DNAH9: variants seen among roughly 807,000 people sequenced by gnomAD.
DNAH9 encodes DNAH9 variant protein.
Under a neutral mutation model 471.6 loss-of-function variants are expected in DNAH9, and 345 were observed. The ratio of observed to expected loss-of-function variants is 0.73; its 90% CI spans 0.67 to 0.80. DNAH9 has a LOEUF of 0.80. Among genes scored for constraint, DNAH9 ranks in the 30% least tolerant of loss-of-function variants. The probability of loss-of-function intolerance (pLI) is 0.00; values close to 1 mark genes in which losing one functional copy is unlikely to be tolerated. For missense variants in DNAH9, 5,407 were observed against 5,609.2 expected, an observed-to-expected ratio of 0.96 and a Z score of 1.15; for synonymous variants, 2,093 against 2,123.6, an observed-to-expected ratio of 0.99 and a Z score of 0.40.
rs139176958 is a variant in DNAH9 at position 11,854,426 on chromosome 17, G to A, written c.9931G>A (p.Ala3311Thr). Residue 3311 changes from alanine (A) to threonine (T), a missense_variant and splice_region_variant, in exon 50 of 69, where the codon GCT (alanine) becomes ACT (threonine). By Grantham distance (58) the Ala-to-Thr change is moderately conservative. This residue lies in a region of DNAH9 where 4,636 missense variants were observed against 4,900.3 expected (regional missense o/e 0.95). Transcript: ENST00000262442. ...EKLAAIKAKI[A>T]HLNENLAKLT... ...GCTGGCTGCCATCAAAGCCAAGATC[G>A]CTGTGAGTGACCCCAGAGCCCCTCA... 766 of 1,610,130 alleles carry A rather than the reference G, an allele frequency of 4.8e-4. 9 individuals carry two copies. In the South Asian group the frequency reaches 5.3e-3, roughly 11 times the overall value.
intron 45 of DNAH9, 108 bp from the exon 46 acceptor site, chr17:11,821,812 G>A: frequency 1.6e-6 from 2 of 1,258,250 alleles, no homozygotes; most frequent in Non-Finnish European, 1.1e-6. Flanking sequence ...GTTGGTACAT[G>A]GCCTAAAAAC....
At position 11,810,279 on chromosome 17, in the gene DNAH9, G is replaced by A. The variant is rs151142584; in HGVS notation, c.8617G>A (p.Val2873Met). 4.3e-5 allele frequency: 70 copies of A among 1,613,618 alleles called. 1 individual carries two copies. The East Asian group carries it at 1.4e-3, about 33-fold the overall frequency. ...GGCCAGCCTGTGTCTGAAAGCTGGA[G>A]TGAAGAATCTCAACACAGTGTTTCT... ...DLASLCLKAG[V>M]KNLNTVFLMT... Residue 2873 changes from valine to methionine, a missense_variant, in exon 45 of 69, where the codon GTG (valine) becomes ATG (methionine). Around this residue, in one of 3 missense-constraint regions of DNAH9, gnomAD observed 4,636 missense variants for 4,900.3 expected, o/e 0.95. Coordinates refer to ENST00000262442, the MANE Select transcript of DNAH9 (RefSeq NM_001372.4).
intron 50 of DNAH9, among the ~76,000 whole-genome samples, chr17:11,857,164 G>GAGAATGTTTTC (rs1419166591): frequency 6.6e-6 from 1 of 152,192 alleles, no homozygotes; most frequent in Non-Finnish European, 1.5e-5. Flanking sequence ...TTGGTGCAAA[G>GAGAATGTTTTC]AGAATGTTTT....
intron 14 of DNAH9, among the ~76,000 whole-genome samples, chr17:11,658,339 C>T (rs78381315): frequency 0.016 from 2,461 of 152,186 alleles, 57 homozygotes; most frequent in African/African-American, 0.055. Flanking sequence ...TGTATACAAG[C>T]ATCATTGATT....
At chr17:11,678,068 T>C (rs1385980212) in intron 17 of DNAH9, among the ~76,000 whole-genome samples, 1 of 152,110 alleles carries the variant, frequency 6.6e-6, no homozygotes, top group Admixed American at 6.5e-5. Flanking sequence ...TATTTTTTTA[T>C]TTTTTGAGAT....
chr17:11,657,259 AT>A, intron 14 of DNAH9, among the ~76,000 whole-genome samples: 1 of 152,154 alleles, frequency 6.6e-6, no homozygotes, highest in East Asian at 1.9e-4. Context: ...AATTTTTACC[AT>A]TTTAGTCAGT....
chr17:11,756,526 T>C, intron 33 of DNAH9, 42 bp from the exon 34 acceptor site: 1 of 1,165,328 alleles, frequency 8.6e-7, no homozygotes, highest in Middle Eastern at 1.9e-4. Context: ...GCAAGGCACC[T>C]CCCTCCTTCC....
At chr17:11,922,079 T>A (rs1974156007) in intron 61 of DNAH9, among the ~76,000 whole-genome samples, 1 of 152,232 alleles carries the variant, frequency 6.6e-6, no homozygotes, top group Non-Finnish European at 1.5e-5. Context: ...CTAAGATTTA[T>A]AATTTAATAA....
chr17:11,820,623 CATCT>C (rs1474102124), intron 45 of DNAH9, among the ~76,000 whole-genome samples: 3 of 151,998 alleles, frequency 2.0e-5, no homozygotes, highest in African/African-American at 4.8e-5. Context: ...TCCTTCACCC[CATCT>C]ATCTATTGAA....
At chr17:11,639,983 A>G (rs1346068150) in intron 9 of DNAH9, among the ~76,000 whole-genome samples, 1 of 152,176 alleles carries the variant, frequency 6.6e-6, no homozygotes, top group Non-Finnish European at 1.5e-5. Context: ...AGCCTGGGCG[A>G]CAAGAGTTAG....
chr17:11,748,068 G>A (rs1246283009), intron 32 of DNAH9, among the ~76,000 whole-genome samples: 1 of 149,692 alleles, frequency 6.7e-6, no homozygotes, highest in African/African-American at 2.5e-5. Flanking sequence ...ACTTTGGGAA[G>A]CGGAGGTGGG....
intron 33 of DNAH9, among the ~76,000 whole-genome samples, chr17:11,753,906 A>G (rs527306809): frequency 6.6e-6 from 1 of 152,044 alleles, no homozygotes; most frequent in Non-Finnish European, 1.5e-5. Flanking sequence ...ACATTATTTC[A>G]TCACCCAGGT....
At chr17:11,822,237 G>A (rs1042444077) in intron 46 of DNAH9, among the ~76,000 whole-genome samples, 175 bp downstream of exon 46, 6 of 152,202 alleles carry the variant, frequency 3.9e-5, no homozygotes, top group African/African-American at 1.2e-4. Context: ...TGCTTTAAGG[G>A]CAGCAGCATC....
chr17:11,644,427 C>G (rs1228672496), intron 10 of DNAH9, among the ~76,000 whole-genome samples: 3 of 152,050 alleles, frequency 2.0e-5, no homozygotes, highest in Non-Finnish European at 2.9e-5. Flanking sequence ...CTGACACTTG[C>G]GGAGCTGCCT....
chr17:11,941,554 A>G (rs1974907659), intron 66 of DNAH9, among the ~76,000 whole-genome samples: 1 of 152,122 alleles, frequency 6.6e-6, no homozygotes, highest in African/African-American at 2.4e-5. Flanking sequence ...CCCTGATCTA[A>G]TTAGCTGACA....
intron 50 of DNAH9, among the ~76,000 whole-genome samples, chr17:11,866,899 C>T (rs1295255517): frequency 6.6e-6 from 1 of 152,204 alleles, no homozygotes; most frequent in South Asian, 2.1e-4. Flanking sequence ...GTGGGAGTGA[C>T]CCGATTTTCC....
At chr17:11,695,373 G>A (rs912814190) in intron 22 of DNAH9, among the ~76,000 whole-genome samples, 1 of 152,164 alleles carries the variant, frequency 6.6e-6, no homozygotes, top group Non-Finnish European at 1.5e-5. Context: ...GGCCAAACTC[G>A]ATAGCTAAAA....
chr17:11,728,856 C>T (rs944554720), intron 28 of DNAH9, among the ~76,000 whole-genome samples: 1 of 152,214 alleles, frequency 6.6e-6, no homozygotes, highest in Admixed American at 6.5e-5. Context: ...AAAAGCTGAA[C>T]ATCAGAGGAG....
At chr17:11,615,982 CA>C (rs1034498370) in intron 4 of DNAH9, among the ~76,000 whole-genome samples, 22 of 152,238 alleles carry the variant, frequency 1.4e-4, no homozygotes, top group African/African-American at 5.3e-4. Context: ...TCTGACTTTG[CA>C]AAAAATTCGA....
Sources: gnomAD v4.1 joint callset for allele counts (sites outside exome capture counted in the v4.1 genomes callset) on GRCh38, gnomAD v4.1.1 for gene constraint, gnomAD v4.1.1 regional missense constraint, MANE v1.5 for transcripts, NCBI Gene and HGNC (gene_info 2026-07-23, HGNC 2026-07-21) for gene names.